GLIPR1L2: variants seen among roughly 807,000 people sequenced by gnomAD.
GLIPR1L2 encodes GLIPR1-like protein 2.
GLIPR1L2 carries 21 observed loss-of-function variants against 28.4 expected under a neutral mutation model. That is an observed-to-expected ratio of 0.74 (90% confidence interval 0.52 to 1.06). The LOEUF (loss-of-function observed/expected upper bound fraction) is 1.06, where lower values mean the gene tolerates loss of function less well. GLIPR1L2 is among the 50% of genes least tolerant of loss of function. The pLI, the probability that GLIPR1L2 is intolerant of heterozygous loss-of-function variation, is 0.00. For synonymous variants in GLIPR1L2, 145 were observed against 139.3 expected (o/e 1.04, Z -0.29); for missense variants, 476 against 416.9 (o/e 1.14, Z -1.23).
intron 4 of GLIPR1L2, among the ~76,000 whole-genome samples, chr12:75,425,886 TATG>T (rs932359561): frequency 5.1e-4 from 77 of 152,114 alleles, no homozygotes; most frequent in African/African-American, 1.8e-3. Context: ...GCATGAATCT[TATG>T]GTGGTGAATT....
intron 4 of GLIPR1L2, among the ~76,000 whole-genome samples, chr12:75,427,730 G>T (rs1594033804): frequency 6.6e-6 from 1 of 152,158 alleles, no homozygotes; most frequent in Non-Finnish European, 1.5e-5. Context: ...GATCAGGGGG[G>T]CAGTTTCTCT....
intron 1 of GLIPR1L2, among the ~76,000 whole-genome samples, chr12:75,409,463 A>G (rs192144676): frequency 7.3e-5 from 11 of 151,316 alleles, no homozygotes; most frequent in African/African-American, 2.7e-4. Flanking sequence ...ACAGCATCTT[A>G]TGCTATTTTC....
At position 75,413,612 on chromosome 12, in the gene GLIPR1L2, C is replaced by G. The variant is rs147266448; in HGVS notation, c.495C>G (p.His165Gln). 6.7e-5 allele frequency: 104 copies of G among 1,551,394 alleles called. No homozygotes were observed. Among genetic ancestry groups the G allele is most frequent in the Middle Eastern group, 3.4e-4 (2 of 5,890 alleles). ...TTTTATTTTAGCTTGTTTGGGACCA[C>G]TCTTACAAAGTTGGTTGTGCTGTTA... ...CSNYIQLVWD[H>Q]SYKVGCAVTP... The change falls in exon 3 of 6, where the codon CAC becomes CAG. Residue 165 changes from histidine to glutamine, a missense_variant. His to Gln is a conservative substitution (Grantham distance 24, BLOSUM62 0). Transcript: ENST00000550916.
intron 2 of GLIPR1L2, 54 bp downstream of exon 2, chr12:75,410,733 C>T: frequency 7.6e-7 from 1 of 1,308,138 alleles, no homozygotes; most frequent in East Asian, 2.4e-5. Context: ...TGATTTATGC[C>T]TGGTTTTATT....
chr12:75,428,353 G>A (rs2046054993), intron 4 of GLIPR1L2, among the ~76,000 whole-genome samples: 1 of 152,106 alleles, frequency 6.6e-6, no homozygotes, highest in Admixed American at 6.6e-5. Context: ...TCTGGCAGGA[G>A]AAATTTCTAA....
chr12:75,396,008 T>C (rs965943472), intron 1 of GLIPR1L2, among the ~76,000 whole-genome samples: 1 of 152,196 alleles, frequency 6.6e-6, no homozygotes, highest in African/African-American at 2.4e-5. Context: ...ATGTAAGCTC[T>C]TACACTCATA....
intron 1 of GLIPR1L2, among the ~76,000 whole-genome samples, chr12:75,409,700 G>A (rs184755134): frequency 7.9e-5 from 11 of 139,984 alleles, no homozygotes; most frequent in Middle Eastern, 4.6e-3. Context: ...TATCTAATCC[G>A]ATATATATAT....
chr12:75,413,023 T>G (rs1201300013), intron 2 of GLIPR1L2, among the ~76,000 whole-genome samples: 1 of 151,494 alleles, frequency 6.6e-6, no homozygotes, highest in African/African-American at 2.4e-5. Flanking sequence ...CCATAAAAAA[T>G]GATGAGTTCA....
intron 4 of GLIPR1L2, among the ~76,000 whole-genome samples, chr12:75,428,791 G>C (rs1404093405): frequency 6.6e-6 from 1 of 152,156 alleles, no homozygotes; most frequent in Non-Finnish European, 1.5e-5. Context: ...GGCTCAAAGG[G>C]GCCAAGGTAC....
At chr12:75,415,898 A>G (rs1161352922) in intron 3 of GLIPR1L2, among the ~76,000 whole-genome samples, 1 of 152,154 alleles carries the variant, frequency 6.6e-6, no homozygotes, top group Non-Finnish European at 1.5e-5. Flanking sequence ...AGGCCAACCT[A>G]GATAATGTCA....
intron 2 of GLIPR1L2, among the ~76,000 whole-genome samples, chr12:75,410,981 C>T (rs574831442): frequency 6.6e-6 from 1 of 151,828 alleles, no homozygotes; most frequent in South Asian, 2.1e-4. Flanking sequence ...AATAAAAATA[C>T]TTTATAAATG....
intron 3 of GLIPR1L2, among the ~76,000 whole-genome samples, chr12:75,420,002 AAAGT>A (rs1238087588): frequency 6.6e-6 from 1 of 152,206 alleles, no homozygotes; most frequent in Non-Finnish European, 1.5e-5. Flanking sequence ...TTCTTGGAAA[AAAGT>A]AAGTCTTCTT....
chr12:75,429,685 G>A (rs1307643423), intron 4 of GLIPR1L2, among the ~76,000 whole-genome samples: 1 of 152,094 alleles, frequency 6.6e-6, no homozygotes, highest in Non-Finnish European at 1.5e-5. Flanking sequence ...TGCTGAGGGA[G>A]GGACCTGGTG....
At position 75,430,767 on chromosome 12, in the gene GLIPR1L2, T is replaced by G. The variant is rs1462548565; in HGVS notation, c.697+26T>G. On this transcript the variant is annotated intron_variant, in intron 5 of 5. Transcript: ENST00000550916. ...GTATGTATTGTTGTCCTTTATTTCT[T>G]GAACAATTGAACTGCTTTATATGAA... 8 of 1,534,364 alleles carry G rather than the reference T, an allele frequency of 5.2e-6. No homozygotes were observed. In the African/African-American group the frequency reaches 1.1e-4, roughly 21 times the overall value.
intron 2 of GLIPR1L2, 135 bp downstream of exon 2, chr12:75,410,814 T>TA: frequency 1.6e-6 from 1 of 644,904 alleles, no homozygotes. Flanking sequence ...TTTTAATCAA[T>TA]CTTCCTAGTC....
intron 2 of GLIPR1L2, among the ~76,000 whole-genome samples, chr12:75,412,508 A>G (rs1018471828): frequency 6.6e-6 from 1 of 152,120 alleles, no homozygotes. Flanking sequence ...GAAAAAAACA[A>G]ACAACCCCAT....
At chr12:75,399,261 AC>A (rs2045714215) in intron 1 of GLIPR1L2, among the ~76,000 whole-genome samples, 2 of 152,212 alleles carry the variant, frequency 1.3e-5, no homozygotes, top group Admixed American at 1.3e-4. Flanking sequence ...TTCAGAAATA[AC>A]CCAAATATAT....
chr12:75,430,364 G>T (rs543730183), intron 4 of GLIPR1L2, among the ~76,000 whole-genome samples: 3 of 152,150 alleles, frequency 2.0e-5, no homozygotes, highest in Non-Finnish European at 1.5e-5. Context: ...ATCTGTGGGG[G>T]CAAAGGGAGA....
intron 1 of GLIPR1L2, among the ~76,000 whole-genome samples, chr12:75,405,775 T>C (rs2045791988): frequency 6.6e-6 from 1 of 152,082 alleles, no homozygotes; most frequent in Admixed American, 6.6e-5. Flanking sequence ...GAAATATGGA[T>C]ATAGAAAGTT....
Sources: gnomAD v4.1 joint callset for allele counts (sites outside exome capture counted in the v4.1 genomes callset) on GRCh38, gnomAD v4.1.1 for gene constraint, MANE v1.5 for transcripts, NCBI Gene and HGNC (gene_info 2026-07-23, HGNC 2026-07-21) for gene names.